NINJ2: variants seen among roughly 807,000 people sequenced by gnomAD.
NINJ2 encodes ninjurin-2.
A neutral mutation model predicts 11.7 loss-of-function variants in NINJ2; 12 were observed. The observed-to-expected ratio is 1.02, with a 90% CI of 0.66 to 1.66. The LOEUF is 1.66. Among genes scored for constraint, NINJ2 ranks in the 40% most tolerant of loss-of-function variants. The probability of loss-of-function intolerance (pLI) is 0.00; values close to 1 mark genes in which losing one functional copy is unlikely to be tolerated. For missense variants in NINJ2, 187 were observed against 181.8 expected (o/e 1.03, Z -0.16); for synonymous variants, 93 against 76.8 (o/e 1.21, Z -1.10).
At chr12:654,706 C>A (rs60759266) in intron 1 of NINJ2, among the ~76,000 whole-genome samples, 46,184 of 151,044 alleles carry the variant, frequency 0.31, 7,250 homozygotes, top group Middle Eastern at 0.47. Flanking sequence ...CAAGCCTGAC[C>A]AACATGGAGA....
intron 1 of NINJ2, among the ~76,000 whole-genome samples, chr12:653,434 C>T (rs1937825775): frequency 6.6e-6 from 1 of 151,700 alleles, no homozygotes; most frequent in African/African-American, 2.4e-5. Context: ...TATATGTATA[C>T]ATATATGTGC....
intron 1 of NINJ2, among the ~76,000 whole-genome samples, chr12:624,537 A>T (rs4980953): frequency 0.42 from 63,289 of 152,010 alleles, 13,555 homozygotes; most frequent in Non-Finnish European, 0.46. Context: ...GGCCGGGCAC[A>T]GTGGCTCACA....
chr12:566,051 A>G lies in NINJ2; in HGVS notation c.161T>C (p.Leu54Pro), dbSNP rs370832704. The G allele has an allele frequency of 2.0e-5, 33 of 1,614,090 alleles. No individual in the cohort carries two copies. The highest frequency in any genetic ancestry group is 1.3e-4 in the East Asian group (6 of 44,886). The part of the protein sequence containing the change: ...MSNAMRLKAV[L>P]EQGPSSHYYT... The stretch of plus-strand genomic sequence containing the variant: ...GTAGTGAGAGGATGGTCCCTGCTCC[A>G]GCACCGCCTTCAGCCGCATGGCGTT... Residue 54 changes from leucine to proline, a missense_variant, in exon 2 of 4, where the codon CTG (leucine) becomes CCG (proline). Leu to Pro is a moderately conservative substitution (Grantham distance 98). Coordinates refer to ENST00000305108, the MANE Select transcript of NINJ2 (RefSeq NM_016533.6).
chr12:572,930 C>T (rs1947398053), intron 1 of NINJ2, among the ~76,000 whole-genome samples: 1 of 144,170 alleles, frequency 6.9e-6, no homozygotes. Context: ...AATCTCAGCT[C>T]ACTGCAACCT....
intron 1 of NINJ2, among the ~76,000 whole-genome samples, chr12:603,065 G>C: frequency 6.6e-6 from 1 of 151,952 alleles, no homozygotes; most frequent in East Asian, 1.9e-4. Context: ...TTGAACTACT[G>C]GGCTCAAGCA....
chr12:622,091 C>T (rs1412753693), intron 1 of NINJ2, among the ~76,000 whole-genome samples: 1 of 144,712 alleles, frequency 6.9e-6, no homozygotes, highest in African/African-American at 2.6e-5. Flanking sequence ...CACTGTACTC[C>T]ATCCTGGGTG....
chr12:575,278 C>A (rs1300224705), intron 1 of NINJ2, among the ~76,000 whole-genome samples: 1 of 152,200 alleles, frequency 6.6e-6, no homozygotes, highest in Non-Finnish European at 1.5e-5. Flanking sequence ...CTGGGGCCCC[C>A]ACCCACCTCT....
chr12:605,534 G>A (rs555903822), intron 1 of NINJ2, among the ~76,000 whole-genome samples: 39 of 152,240 alleles, frequency 2.6e-4, no homozygotes, highest in Admixed American at 2.0e-3. Flanking sequence ...CGCTCCAGCC[G>A]GAGAGACAGA....
At chr12:625,408 T>C (rs1203113831) in intron 1 of NINJ2, among the ~76,000 whole-genome samples, 1 of 145,114 alleles carries the variant, frequency 6.9e-6, no homozygotes, top group Non-Finnish European at 1.5e-5. Flanking sequence ...GGCTGAAGAG[T>C]AGTTTGGGAA....
At chr12:642,847 C>T (rs1592115343) in intron 1 of NINJ2, 1 of 151,386 alleles carries the variant, frequency 6.6e-6, no homozygotes, top group African/African-American at 2.4e-5. Context: ...GAAGTGGGCT[C>T]GGGGCCCCGC....
rs556450001 is a variant in NINJ2 at position 625,843 on chromosome 12, A to G, written c.33+37485T>C. ...AAGCAATTTTTAATAAATGGTTGAT[A>G]GGATAATCATTATCCTATGACTCAT... On this transcript the variant is annotated intron_variant, in intron 1 of 3. Transcript: ENST00000305108. Among the ~76,000 whole-genome samples the G allele has an allele frequency of 2.0e-4, 31 of 152,372 alleles. 1 individual carries two copies. In the South Asian group the frequency reaches 6.4e-3, roughly 32 times the overall value.
intron 1 of NINJ2, among the ~76,000 whole-genome samples, chr12:577,427 A>ACATGTATAAATATGTATATG (rs774377686): frequency 1.6e-5 from 1 of 62,610 alleles, no homozygotes; most frequent in African/African-American, 5.0e-5. Context: ...ATATATATAT[A>ACATGTATAAATATGTATATG]TACATATATA....
At chr12:576,248 C>G (rs1056429095) in intron 1 of NINJ2, among the ~76,000 whole-genome samples, 8 of 152,130 alleles carry the variant, frequency 5.3e-5, no homozygotes, top group African/African-American at 1.9e-4. Context: ...GAGGCCTCCC[C>G]GGAAGGCCTG....
At chr12:592,124 C>T (rs1947724565) in intron 1 of NINJ2, among the ~76,000 whole-genome samples, 1 of 152,164 alleles carries the variant, frequency 6.6e-6, no homozygotes, top group Admixed American at 6.5e-5. Context: ...TCTGGCTTTA[C>T]TGCCTGCTGC....
At chr12:593,352 GCAT>G (rs1947739510) in intron 1 of NINJ2, among the ~76,000 whole-genome samples, 1 of 152,164 alleles carries the variant, frequency 6.6e-6, no homozygotes, top group Non-Finnish European at 1.5e-5. Flanking sequence ...TGTTAAAGAA[GCAT>G]CACAGGCAGG....
In NINJ2 at chr12:598,543, A is replaced by AG. The variant is rs555186274; in HGVS notation, c.34-32366dup. Among the ~76,000 whole-genome samples, 209 of 152,274 alleles carry AG rather than the reference A, an allele frequency of 1.4e-3. 1 individual carries two copies. The highest frequency in any genetic ancestry group is 2.3e-3 in the Non-Finnish European group (156 of 68,014). Reference sequence around the variant, plus strand: ...CTTGGGCTGTGAGAAATGAGGAGAAAGGGGGGGAGACATTTAAAACATGGT... The same window carrying AG: ...CTTGGGCTGTGAGAAATGAGGAGAAAGGGGGGGGAGACATTTAAAACATGGT... On this transcript the variant is annotated intron_variant, in intron 1 of 3. Coordinates refer to ENST00000305108, the MANE Select transcript of NINJ2 (RefSeq NM_016533.6).
At chr12:636,831 G>A (rs1948357923) in intron 1 of NINJ2, among the ~76,000 whole-genome samples, 1 of 152,210 alleles carries the variant, frequency 6.6e-6, no homozygotes. Flanking sequence ...GTGGAAAACA[G>A]CTTGGCAGTT....
intron 1 of NINJ2, chr12:589,729 T>G (rs1019311058): frequency 6.6e-6 from 1 of 152,346 alleles, no homozygotes; most frequent in Admixed American, 6.5e-5. Context: ...GTGCTGGGTA[T>G]GCCTCCTGAG....
At chr12:661,214 G>C (rs972201786) in intron 1 of NINJ2, among the ~76,000 whole-genome samples, 1 of 152,108 alleles carries the variant, frequency 6.6e-6, no homozygotes, top group South Asian at 2.1e-4. Flanking sequence ...GAGTAGTGGG[G>C]ACTACAGGTG....
Sources: gnomAD v4.1 joint callset for allele counts (sites outside exome capture counted in the v4.1 genomes callset) on GRCh38, gnomAD v4.1.1 for gene constraint, MANE v1.5 for transcripts, NCBI Gene and HGNC (gene_info 2026-07-23, HGNC 2026-07-21) for gene names.